The following USP34 variants were observed in gnomAD, a reference collection of about 807,000 sequenced individuals.
USP34 encodes the protein ubiquitin carboxyl-terminal hydrolase 34.
A neutral mutation model predicts 460.3 loss-of-function variants in USP34; 70 were observed. That is an observed-to-expected ratio of 0.15 (90% CI 0.13 to 0.19). The LOEUF is 0.19. Among genes scored for constraint, USP34 ranks in the 10% least tolerant of loss-of-function variants. The probability of loss-of-function intolerance (pLI) is 1.00; values close to 1 mark genes in which losing one functional copy is unlikely to be tolerated. For missense variants in USP34, 3,985 were observed against 4,236.2 expected, an observed-to-expected ratio of 0.94 and a Z score of 1.65; for synonymous variants, 1,647 against 1,405.3, an observed-to-expected ratio of 1.17 and a Z score of -3.85.
intron 66 of USP34, among the ~76,000 whole-genome samples, 164 bp downstream of exon 66, chr2:61,221,338 T>C (rs1291597770): frequency 2.0e-5 from 3 of 152,210 alleles, no homozygotes. Context: ...ATGTCTTTAA[T>C]ACAACTAGGA....
At chr2:61,298,525 G>A (rs1257500403) in intron 29 of USP34, among the ~76,000 whole-genome samples, 1 of 83,782 alleles carries the variant, frequency 1.2e-5, no homozygotes, top group Non-Finnish European at 2.1e-5. Flanking sequence ...AGGACAGAGT[G>A]AGACTCTGTC....
intron 10 of USP34, among the ~76,000 whole-genome samples, chr2:61,357,721 T>C (rs534123246): frequency 3.7e-4 from 56 of 152,288 alleles, no homozygotes; most frequent in African/African-American, 1.3e-3. Context: ...AGCAACACGG[T>C]GAAATCCTTT....
chr2:61,400,426 A>C (rs974031713), intron 3 of USP34, among the ~76,000 whole-genome samples: 1 of 152,158 alleles, frequency 6.6e-6, no homozygotes, highest in Admixed American at 6.5e-5. Context: ...AGGCAATTCT[A>C]TGTAAATTAA....
intron 15 of USP34, 82 bp downstream of exon 15, chr2:61,347,788 G>C: frequency 1.3e-6 from 2 of 1,547,344 alleles, no homozygotes; most frequent in Admixed American, 1.9e-5. Context: ...CACTAATACA[G>C]AATAAATTGC....
chr2:61,427,690 G>T (rs921557614), intron 1 of USP34, among the ~76,000 whole-genome samples: 2 of 152,172 alleles, frequency 1.3e-5, no homozygotes, highest in Non-Finnish European at 2.9e-5. Context: ...AACGCAATTG[G>T]CATACTAAAG....
At chr2:61,456,851 G>A (rs1695455289) in intron 1 of USP34, among the ~76,000 whole-genome samples, 1 of 152,032 alleles carries the variant, frequency 6.6e-6, no homozygotes, top group Non-Finnish European at 1.5e-5. Context: ...GGTGGCACAG[G>A]CATGTAGTCC....
chr2:61,314,582 T>C lies in USP34; in HGVS notation c.3542+3A>G. ...TCTAACAGTGTGATATTTTAAAAAT[T>C]ACCTTCTCCTAAACGCTTCCAGATG... On this transcript the variant is annotated splice_donor_region_variant and intron_variant, in intron 25 of 79. Transcript: ENST00000398571. 8 of 1,477,396 alleles carry C rather than the reference T, an allele frequency of 5.4e-6. No individual in the cohort carries two copies. Among genetic ancestry groups the C allele is most frequent in the Non-Finnish European group, 5.4e-6 (6 of 1,116,798 alleles). The allele number at this position is 1,477,396 out of a possible 1,614,324, so 91.5% of individuals were successfully genotyped here.
intron 67 of USP34, 141 bp from the exon 68 acceptor site, chr2:61,214,835 C>G (rs1687354956): frequency 1.0e-6 from 1 of 976,498 alleles, no homozygotes. Flanking sequence ...TAGTATCTTT[C>G]TGCTTTCCCC....
At chr2:61,401,404 AT>A (rs930367095) in intron 3 of USP34, among the ~76,000 whole-genome samples, 24 of 150,298 alleles carry the variant, frequency 1.6e-4, no homozygotes, top group African/African-American at 5.6e-4. Flanking sequence ...CGCCCAGTTA[AT>A]TTTTTTTTCT....
chr2:61,348,860 T>A lies in USP34; in HGVS notation c.1570A>T (p.Ser524Cys). ...CTTTGATGTGTATCGCTATTATCAC[T>A]GCTTTGAGGACTAGCTGCAGGTGAC... ...PWSPAASPQS[S>C]DNSDTHQSGG... Residue 524 changes from serine to cysteine, a missense_variant, in exon 14 of 80, where the codon AGT becomes TGT. This residue lies in a region of USP34 where 716 missense variants were observed against 626.2 expected (regional missense o/e 1.14). Transcript: ENST00000398571. 6.2e-7 allele frequency: 1 copy of A among 1,612,938 alleles called. No homozygotes were observed. Among genetic ancestry groups the A allele is most frequent in the Non-Finnish European group, 8.5e-7 (1 of 1,179,566 alleles).
intron 47 of USP34, 142 bp from the exon 48 acceptor site, chr2:61,256,620 A>G: frequency 1.4e-6 from 1 of 690,232 alleles, no homozygotes; most frequent in African/African-American, 1.9e-5. Context: ...TTAGTAAAAA[A>G]CTGTTTTTCC....
At chr2:61,319,369 C>A in intron 21 of USP34, 42 bp from the exon 22 acceptor site, 6 of 1,388,734 alleles carry the variant, frequency 4.3e-6, no homozygotes, top group East Asian at 2.8e-5. Flanking sequence ...TAACTACATA[C>A]AAAAAAATTA....
chr2:61,381,161 C>T (rs1438328408), intron 6 of USP34, among the ~76,000 whole-genome samples: 1 of 150,926 alleles, frequency 6.6e-6, no homozygotes, highest in Non-Finnish European at 1.5e-5. Flanking sequence ...TCCTATGACC[C>T]TGCCAAATCC....
At chr2:61,443,858 A>G (rs1332156019) in intron 1 of USP34, among the ~76,000 whole-genome samples, 1 of 152,168 alleles carries the variant, frequency 6.6e-6, no homozygotes, top group Non-Finnish European at 1.5e-5. Flanking sequence ...CAAATGTACC[A>G]CTCACTCTGG....
In USP34 at chr2:61,337,161, G is replaced by C. The variant is rs547419708; in HGVS notation, c.2744+2190C>G. Among the ~76,000 whole-genome samples the C allele has an allele frequency of 2.6e-5, 4 of 152,248 alleles. No homozygotes were observed. The South Asian group carries it at 8.3e-4, about 32-fold the overall frequency. ...TATCAGCATTCCAGGAGCCTCTACTGTGTCCCATTCCAACCACTCAGGGTA... is the reference window on the plus strand; with the variant it reads ...TATCAGCATTCCAGGAGCCTCTACTCTGTCCCATTCCAACCACTCAGGGTA... On this transcript the variant is annotated intron_variant, in intron 18 of 79. Transcript: ENST00000398571.
Position 61,228,929 on chromosome 2 carries a change from T to C in USP34, c.7266A>G (p.Arg2422=), listed in dbSNP as rs752389098. 6.2e-7 allele frequency: 1 copy of C among 1,610,564 alleles called. No individual in the cohort carries two copies. The highest frequency in any genetic ancestry group is 1.7e-5 in the Admixed American group (1 of 59,496). Residue 2422 remains arginine (R), a synonymous_variant, in exon 60 of 80, where the codon AGA becomes AGG. Coordinates refer to ENST00000398571, the MANE Select transcript of USP34 (RefSeq NM_014709.4). ...GGRSCVTRFV[R]TLLLIMEHGV... is the part of the protein sequence containing the mutation. ...CATGTTCCATAATTAATAACAGGGT[T>C]CTCACAAAGCGAGTGACACATGAAC...
intron 18 of USP34, among the ~76,000 whole-genome samples, chr2:61,337,413 A>C: frequency 6.7e-6 from 1 of 148,690 alleles, no homozygotes; most frequent in Non-Finnish European, 1.5e-5. Flanking sequence ...TTTTTTTTGC[A>C]TTTGAATAGC....
chr2:61,387,904 T>TAA (rs1479654288), intron 5 of USP34, among the ~76,000 whole-genome samples: 1 of 148,758 alleles, frequency 6.7e-6, no homozygotes, highest in Non-Finnish European at 1.5e-5. Context: ...TTTTTATATA[T>TAA]AAGCATATGT....
At chr2:61,263,173 A>AT (rs36015748) in intron 43 of USP34, among the ~76,000 whole-genome samples, 8,932 of 97,466 alleles carry the variant, frequency 0.092, 638 homozygotes, top group Admixed American at 0.1. Context: ...CACACATGGA[A>AT]TTTTTTTTTT....
Sources: allele counts gnomAD v4.1 joint callset (sites outside exome capture counted in the v4.1 genomes callset), GRCh38; gene constraint gnomAD v4.1.1; regional missense constraint gnomAD v4.1.1; transcripts MANE v1.5; gene names NCBI Gene and HGNC (gene_info 2026-07-23, HGNC 2026-07-21).